TBC1D4: variants seen among roughly 807,000 people sequenced by gnomAD.
TBC1D4 encodes TBC1 domain family member 4, also known as TBC (Tre-2, BUB2, CDC16) domain-containing protein.
Under a neutral mutation model 142.5 loss-of-function variants are expected in TBC1D4, and 121 were observed. The observed-to-expected ratio is 0.85, with a 90% CI of 0.73 to 0.99. TBC1D4 has a LOEUF of 0.99. Ranked by LOEUF, TBC1D4 falls within the 50% of genes least tolerant of loss-of-function variation. The pLI is 0.00. For synonymous variants in TBC1D4, 630 were observed against 628.2 expected, an observed-to-expected ratio of 1.00 and a Z score of -0.04; for missense variants, 1,475 against 1,606.6, an observed-to-expected ratio of 0.92 and a Z score of 1.40.
chr13:75,451,627 CT>C (rs1329368187), intron 1 of TBC1D4, among the ~76,000 whole-genome samples: 1 of 150,042 alleles, frequency 6.7e-6, no homozygotes, highest in African/African-American at 2.4e-5. Context: ...ATGTAGTGAG[CT>C]ATGATTGCAC....
intron 1 of TBC1D4, among the ~76,000 whole-genome samples, chr13:75,422,794 G>A (rs538706849): frequency 6.6e-6 from 1 of 152,196 alleles, no homozygotes; most frequent in African/African-American, 2.4e-5. Flanking sequence ...CAGAATATTT[G>A]GGATTATCTT....
rs755459689 is a variant in TBC1D4, at chr13:75,310,163, AAC to A, written c.2384-14_2384-13del. The A allele has an allele frequency of 2.5e-6, 4 of 1,611,974 alleles. No individual in the cohort carries two copies. The South Asian group carries it at 3.3e-5, about 13-fold the overall frequency. ...CCTGTCCAATCCATCTGCAGAGAAGAACACAGTGAGAGGCATTCCTTAGCAGT... is the reference window on the plus strand; with the variant it reads ...CCTGTCCAATCCATCTGCAGAGAAGAACAGTGAGAGGCATTCCTTAGCAGT... On this transcript the variant is annotated splice_polypyrimidine_tract_variant and intron_variant, in intron 13 of 20. Transcript: ENST00000377636.
At chr13:75,333,541 C>T (rs1879940405) in intron 8 of TBC1D4, among the ~76,000 whole-genome samples, 1 of 152,080 alleles carries the variant, frequency 6.6e-6, no homozygotes, top group Non-Finnish European at 1.5e-5. Flanking sequence ...AATTTTTTTT[C>T]CCCACAACGA....
At position 75,371,094 on chromosome 13, in the gene TBC1D4, C is replaced by T. The variant is rs917269232; in HGVS notation, c.499-8487G>A. ...TTCCAAAAGAAAAGAGTAATCAACA[C>T]GAGATCACAGGTGACTTTGACAAGA... is the stretch of plus-strand genomic sequence containing the variant. On this transcript the variant is annotated intron_variant, in intron 1 of 20. Coordinates refer to ENST00000377636, the MANE Select transcript of TBC1D4 (RefSeq NM_014832.5). Among the ~76,000 whole-genome samples, 10 of 152,200 alleles carry T rather than the reference C, an allele frequency of 6.6e-5. No homozygotes were observed. In the East Asian group the frequency reaches 1.5e-3, roughly 23 times the overall value.
chr13:75,388,358 C>G (rs1294953511), intron 1 of TBC1D4, among the ~76,000 whole-genome samples: 2 of 152,164 alleles, frequency 1.3e-5, no homozygotes, highest in Admixed American at 1.3e-4. Flanking sequence ...AAAAATTGTG[C>G]AAATGCTTTT....
In TBC1D4 at chr13:75,395,873, C is replaced by A. The variant is rs935304855; in HGVS notation, c.499-33266G>T. 4.6e-5 allele frequency among the ~76,000 whole-genome samples: 7 copies of A among 152,002 alleles called. No individual in the cohort carries two copies. In the East Asian group the frequency reaches 1.3e-3, roughly 29 times the overall value. ...AAATAAATAAATAAAAGAAATGATA[C>A]CTTGGTAAGTATCATGGCTCCACAA... On this transcript the variant is annotated intron_variant, in intron 1 of 20. Coordinates refer to ENST00000377636, the MANE Select transcript of TBC1D4 (RefSeq NM_014832.5).
intron 1 of TBC1D4, chr13:75,376,199 A>C (rs1385097123): frequency 6.6e-6 from 1 of 152,232 alleles, no homozygotes; most frequent in African/African-American, 2.4e-5. Flanking sequence ...AATTGAAAAA[A>C]AACAAACAAA....
intron 16 of TBC1D4, among the ~76,000 whole-genome samples, chr13:75,300,463 C>T (rs1422401323): frequency 1.3e-5 from 2 of 152,034 alleles, no homozygotes; most frequent in Non-Finnish European, 2.9e-5. Flanking sequence ...TTAGAACTTG[C>T]AAGAGTGCCA....
At chr13:75,340,215 G>A (rs1880567386) in intron 7 of TBC1D4, among the ~76,000 whole-genome samples, 1 of 152,206 alleles carries the variant, frequency 6.6e-6, no homozygotes, top group Non-Finnish European at 1.5e-5. Flanking sequence ...GTGACTAAAT[G>A]AAGGACTGTG....
rs767683595 is a variant in TBC1D4 at position 75,309,953 on chromosome 13, T to C, written c.2582A>G (p.Gln861Arg). Reference sequence around the variant, plus strand: ...TTAAAATGGCTAACCTTCAAGTTTCTGGTTTTCTTTTTCCATTCGAAGTAA... The same window carrying C: ...TTAAAATGGCTAACCTTCAAGTTTCCGGTTTTCTTTTTCCATTCGAAGTAA... ...ILLLRMEKEN[Q>R]KLEASRDELQ... Residue 861 changes from glutamine (Q) to arginine (R), a missense_variant, in exon 14 of 21, where the codon CAG becomes CGG. This residue lies in a region of TBC1D4 where 1,227 missense variants were observed against 1,267.7 expected (regional missense o/e 0.97). Coordinates refer to ENST00000377636, the MANE Select transcript of TBC1D4 (RefSeq NM_014832.5). 6.2e-7 allele frequency: 1 copy of C among 1,614,180 alleles called. No homozygotes were observed. The highest frequency in any genetic ancestry group is 1.1e-5 in the South Asian group (1 of 91,082).
intron 1 of TBC1D4, among the ~76,000 whole-genome samples, chr13:75,448,561 T>G (rs1228000038): frequency 5.1e-5 from 7 of 137,914 alleles, no homozygotes; most frequent in African/African-American, 1.9e-4. Context: ...AGAGCGAAAC[T>G]CCGTCTCAAA....
Position 75,415,456 on chromosome 13 carries a change from T to TGA in TBC1D4, c.499-52851_499-52850dup, listed in dbSNP as rs1885878290. On this transcript the variant is annotated intron_variant, in intron 1 of 20. Transcript: ENST00000377636. ...ATCTTCACATAGGCATTAAACCATC[T>TGA]GAGAGTACTTCAATCTCAGCATTGT... Among the ~76,000 whole-genome samples, 3 of 152,350 alleles carry TGA rather than the reference T, an allele frequency of 2.0e-5. 1 individual carries two copies. The East Asian group carries it at 5.8e-4, about 29-fold the overall frequency.
chr13:75,334,380 T>C (rs1017056143), intron 8 of TBC1D4, among the ~76,000 whole-genome samples: 31 of 152,066 alleles, frequency 2.0e-4, no homozygotes, highest in African/African-American at 7.2e-4. Context: ...AGAATCTTGG[T>C]TCTGTCTAGT....
At chr13:75,345,513 G>C (rs1456667870) in intron 5 of TBC1D4, among the ~76,000 whole-genome samples, 1 of 152,128 alleles carries the variant, frequency 6.6e-6, no homozygotes, top group Admixed American at 6.5e-5. Context: ...TAAAGCTTAA[G>C]TTTCAGAGTC....
Position 75,284,143 on chromosome 13 carries a change from T to C in TBC1D4, c.*2649A>G, listed in dbSNP as rs572154236. On this transcript the variant is annotated 3_prime_UTR_variant, in exon 21 of 21. Coordinates refer to ENST00000377636, the MANE Select transcript of TBC1D4 (RefSeq NM_014832.5). ...AGATGGGGTTTCACCATGCAGATCT[T>C]GTAAAGCAGCGGTCTTCAACCTTCT... is the stretch of plus-strand genomic sequence containing the variant. Among the ~76,000 whole-genome samples the C allele has an allele frequency of 6.6e-6, 1 of 152,144 alleles. No homozygotes were observed. The highest frequency in any genetic ancestry group is 1.5e-5 in the Non-Finnish European group (1 of 68,028).
chr13:75,353,269 C>T (rs531057190), intron 4 of TBC1D4, among the ~76,000 whole-genome samples: 1 of 152,268 alleles, frequency 6.6e-6, no homozygotes, highest in East Asian at 1.9e-4. Context: ...AAAAACAAAA[C>T]AAAACCTGTA....
At chr13:75,327,902 G>A in intron 8 of TBC1D4, 76 bp from the exon 9 acceptor site, 2 of 1,475,734 alleles carry the variant, frequency 1.4e-6, no homozygotes, top group Non-Finnish European at 1.9e-6. Context: ...GTAGTTCCAG[G>A]TGGTCTCTTA....
At chr13:75,322,292 G>A (rs1032599764) in intron 11 of TBC1D4, among the ~76,000 whole-genome samples, 25 of 152,106 alleles carry the variant, frequency 1.6e-4, no homozygotes, top group African/African-American at 5.8e-4. Flanking sequence ...AAAACATACA[G>A]AAAACAAGGA....
At chr13:75,354,396 G>A (rs533962271) in intron 4 of TBC1D4, among the ~76,000 whole-genome samples, 1 of 152,254 alleles carries the variant, frequency 6.6e-6, no homozygotes, top group Non-Finnish European at 1.5e-5. Context: ...AAGTAAAGAA[G>A]ATGAATGCCT....
Sources: gnomAD v4.1 joint callset for allele counts (sites outside exome capture counted in the v4.1 genomes callset) on GRCh38, gnomAD v4.1.1 for gene constraint, gnomAD v4.1.1 regional missense constraint, MANE v1.5 for transcripts, NCBI Gene and HGNC (gene_info 2026-07-23, HGNC 2026-07-21) for gene names.